CSMD1: variants seen among roughly 807,000 people sequenced by gnomAD.
The protein encoded by CSMD1 is CUB and sushi domain-containing protein 1.
A neutral mutation model predicts 417.5 loss-of-function variants in CSMD1; 213 were observed. The observed-to-expected ratio is 0.51, with a 90% CI of 0.46 to 0.57. The LOEUF is 0.57. Ranked by LOEUF, CSMD1 falls within the 20% of genes least tolerant of loss-of-function variation. The probability of loss-of-function intolerance (pLI) is 0.00; values close to 1 mark genes in which losing one functional copy is unlikely to be tolerated. For synonymous variants in CSMD1, 2,862 were observed against 1,736.8 expected (o/e 1.65, Z -16.11); for missense variants, 6,923 against 4,529.7 (o/e 1.53, Z -15.17).
intron 30 of CSMD1, among the ~76,000 whole-genome samples, chr8:3,211,039 C>T (rs6558737): frequency 0.22 from 32,699 of 151,886 alleles, 3,721 homozygotes; most frequent in South Asian, 0.31. Context: ...AATTTTTACC[C>T]AAAATTACAT....
chr8:3,316,820 G>C lies in CSMD1; in HGVS notation c.3632-8317C>G, dbSNP rs551911653. 3.9e-5 allele frequency among the ~76,000 whole-genome samples: 6 copies of C among 152,220 alleles called. No individual in the cohort carries two copies. In the East Asian group the frequency reaches 1.2e-3, roughly 29 times the overall value. On this transcript the variant is annotated intron_variant, in intron 23 of 69. Transcript: ENST00000635120. ...TGGGGGGAAGGCAACGGAGAAGACTGCACAGGAAACTGACACAAGTATATT... is the reference window on the plus strand; with the variant it reads ...TGGGGGGAAGGCAACGGAGAAGACTCCACAGGAAACTGACACAAGTATATT...
At chr8:3,146,926 T>C (rs1818882779) in intron 40 of CSMD1, among the ~76,000 whole-genome samples, 1 of 152,194 alleles carries the variant, frequency 6.6e-6, no homozygotes, top group Non-Finnish European at 1.5e-5. Context: ...GGCAATCCCA[T>C]GCTTATCCAG....
intron 3 of CSMD1, among the ~76,000 whole-genome samples, chr8:4,100,473 C>T (rs1009037446): frequency 6.6e-6 from 1 of 152,126 alleles, no homozygotes; most frequent in Non-Finnish European, 1.5e-5. Flanking sequence ...TGTTGCTTAA[C>T]TTTTCTAAGC....
At chr8:3,299,745 G>C (rs967372829) in intron 25 of CSMD1, among the ~76,000 whole-genome samples, 2 of 152,166 alleles carry the variant, frequency 1.3e-5, no homozygotes, top group South Asian at 4.1e-4. Flanking sequence ...GTATTCACAT[G>C]TCAAAAAAGT....
intron 5 of CSMD1, among the ~76,000 whole-genome samples, chr8:3,933,031 T>A (rs1810260505): frequency 7.0e-6 from 1 of 142,970 alleles, no homozygotes; most frequent in Non-Finnish European, 1.5e-5. Context: ...AAATGTATGA[T>A]AAAAAAAAAA....
At chr8:3,629,209 A>C (rs1437651057) in intron 7 of CSMD1, among the ~76,000 whole-genome samples, 1 of 152,180 alleles carries the variant, frequency 6.6e-6, no homozygotes, top group Non-Finnish European at 1.5e-5. Context: ...GCTTCAACTG[A>C]GAAACAAGAA....
chr8:4,337,307 A>C (rs1037322744), intron 3 of CSMD1, among the ~76,000 whole-genome samples: 1 of 152,106 alleles, frequency 6.6e-6, no homozygotes, highest in Non-Finnish European at 1.5e-5. Flanking sequence ...CTCTGCCATG[A>C]AGATCAAAAT....
chr8:3,714,153 G>T (rs1009151829), intron 6 of CSMD1, among the ~76,000 whole-genome samples: 1 of 149,696 alleles, frequency 6.7e-6, no homozygotes, highest in Admixed American at 6.7e-5. Flanking sequence ...TATTTAGAAA[G>T]TTAATAACAT....
chr8:4,245,263 A>T (rs1349613209), intron 3 of CSMD1, among the ~76,000 whole-genome samples: 1 of 152,182 alleles, frequency 6.6e-6, no homozygotes. Flanking sequence ...TTACGCAATG[A>T]ATTATATAAC....
At chr8:3,332,347 G>C (rs1295900777) in intron 23 of CSMD1, among the ~76,000 whole-genome samples, 2 of 152,234 alleles carry the variant, frequency 1.3e-5, no homozygotes, top group African/African-American at 4.8e-5. Context: ...GGGTTGCTGA[G>C]GGCTTGCCCG....
chr8:4,051,146 C>T (rs913967825), intron 3 of CSMD1, among the ~76,000 whole-genome samples: 9 of 151,870 alleles, frequency 5.9e-5, no homozygotes, highest in African/African-American at 2.2e-4. Flanking sequence ...AGAAAAAAGA[C>T]CAGGAGTAGA....
At chr8:3,887,858 T>A (rs1034603246) in intron 5 of CSMD1, among the ~76,000 whole-genome samples, 3 of 152,198 alleles carry the variant, frequency 2.0e-5, no homozygotes, top group Non-Finnish European at 4.4e-5. Flanking sequence ...ATATTCGAAG[T>A]CTTATTCATG....
At chr8:3,835,053 A>C (rs1336594016) in intron 5 of CSMD1, among the ~76,000 whole-genome samples, 3 of 152,032 alleles carry the variant, frequency 2.0e-5, no homozygotes, top group African/African-American at 7.2e-5. Flanking sequence ...GCGATCATTA[A>C]AAAGTCAGGA....
intron 5 of CSMD1, among the ~76,000 whole-genome samples, chr8:3,886,044 C>T (rs533598979): frequency 2.0e-5 from 3 of 151,168 alleles, no homozygotes; most frequent in South Asian, 4.2e-4. Flanking sequence ...TATATATATA[C>T]AGACACATTT....
chr8:3,570,615 T>G (rs973900208), intron 10 of CSMD1, among the ~76,000 whole-genome samples: 1 of 152,198 alleles, frequency 6.6e-6, no homozygotes, highest in African/African-American at 2.4e-5. Flanking sequence ...ACGGAGCTAC[T>G]GAATACAACC....
intron 2 of CSMD1, among the ~76,000 whole-genome samples, chr8:4,452,386 G>T (rs953764981): frequency 6.6e-6 from 1 of 152,130 alleles, no homozygotes; most frequent in Non-Finnish European, 1.5e-5. Context: ...GCGTAGCCTC[G>T]AGGGCTTGGG....
At chr8:4,713,913 G>A (rs998144552) in intron 1 of CSMD1, among the ~76,000 whole-genome samples, 23 of 152,174 alleles carry the variant, frequency 1.5e-4, no homozygotes, top group African/African-American at 5.3e-4. Context: ...GGGAGGCCGA[G>A]GAGGGTGGAT....
At chr8:3,361,444 C>T (rs531437883) in intron 20 of CSMD1, among the ~76,000 whole-genome samples, 14 of 151,676 alleles carry the variant, frequency 9.2e-5, no homozygotes, top group South Asian at 2.1e-4. Context: ...CTGACTAACA[C>T]GGTGAAACCC....
intron 3 of CSMD1, among the ~76,000 whole-genome samples, chr8:4,285,204 A>C (rs1796996334): frequency 6.6e-6 from 1 of 152,226 alleles, no homozygotes; most frequent in African/African-American, 2.4e-5. Context: ...GAGTGTGTTA[A>C]AATTCAAACT....
Sources: gnomAD v4.1 joint callset for allele counts (sites outside exome capture counted in the v4.1 genomes callset) on GRCh38, gnomAD v4.1.1 for gene constraint, MANE v1.5 for transcripts, NCBI Gene and HGNC (gene_info 2026-07-23, HGNC 2026-07-21) for gene names.